The following ZNF415 variants were observed in gnomAD, a reference collection of about 807,000 sequenced individuals.
The protein encoded by ZNF415 is zinc finger protein 415.
ZNF415 carries 5 observed loss-of-function variants against 7.3 expected under a neutral mutation model. That is an observed-to-expected ratio of 0.69 (90% CI 0.36 to 1.44). ZNF415 has a LOEUF of 1.44. Ranked by LOEUF, ZNF415 falls within the 40% of genes most tolerant of loss-of-function variation. The pLI, the probability that ZNF415 is intolerant of heterozygous loss-of-function variation, is 0.04. For synonymous variants in ZNF415, 207 were observed against 226.3 expected (o/e 0.91, Z 0.77); for missense variants, 628 against 664.8 (o/e 0.94, Z 0.61).
At chr19:53,127,875 CAA>C (rs35037197) in intron 1 of ZNF415, among the ~76,000 whole-genome samples, 4 of 126,302 alleles carry the variant, frequency 3.2e-5, no homozygotes, top group Admixed American at 8.3e-5. Context: ...GACACCGTCT[CAA>C]AAAAAAAAAA....
intron 3 of ZNF415, chr19:53,115,816 T>G (rs1304255767): frequency 6.5e-7 from 1 of 1,545,758 alleles, no homozygotes; most frequent in South Asian, 1.2e-5. Flanking sequence ...AATACTCTGG[T>G]CAGGAAGAGA....
intron 3 of ZNF415, among the ~76,000 whole-genome samples, chr19:53,111,982 C>G (rs1351182758): frequency 6.6e-6 from 1 of 152,058 alleles, no homozygotes; most frequent in Non-Finnish European, 1.5e-5. Context: ...CGCTCTTTTG[C>G]CCAGGCTGGG....
intron 1 of ZNF415, among the ~76,000 whole-genome samples, chr19:53,128,078 C>T (rs1340784603): frequency 1.3e-5 from 2 of 152,030 alleles, no homozygotes; most frequent in Non-Finnish European, 2.9e-5. Context: ...ATCTAGAGGC[C>T]CACCTTGCTT....
At chr19:53,129,629 G>C in intron 1 of ZNF415, 1 of 399,470 alleles carries the variant, frequency 2.5e-6, no homozygotes, top group East Asian at 3.6e-5. Flanking sequence ...TGGGCTCACT[G>C]AGGCTGAGAG....
rs1179866687 is a variant in ZNF415, at chr19:53,122,740, A to C, written c.-64T>G. ...CATGTGCCAGGAGTCTTTGGAAGTC[A>C]ATGCTGAATAACAACAACAAGTGCT... On this transcript the variant is annotated 5_prime_UTR_variant, in exon 2 of 4. The change creates a new upstream start codon in the 5' untranslated region. Coordinates refer to ENST00000243643, the MANE Select transcript of ZNF415 (RefSeq NM_018355.4). 6.2e-7 allele frequency: 1 copy of C among 1,609,086 alleles called. No homozygotes were observed. Among genetic ancestry groups the C allele is most frequent in the Non-Finnish European group, 8.5e-7 (1 of 1,176,086 alleles).
At chr19:53,119,311 G>C (rs1415312545) in intron 2 of ZNF415, among the ~76,000 whole-genome samples, 1 of 151,330 alleles carries the variant, frequency 6.6e-6, no homozygotes, top group East Asian at 2.0e-4. Flanking sequence ...AAATTAGCCA[G>C]GTATGTGCCT....
intron 3 of ZNF415, among the ~76,000 whole-genome samples, chr19:53,110,939 CA>C: frequency 1.3e-5 from 2 of 152,272 alleles, no homozygotes; most frequent in South Asian, 4.1e-4. Flanking sequence ...ACACAATATA[CA>C]TAAGAGTTTG....
intron 1 of ZNF415, chr19:53,129,596 T>C (rs911235455): frequency 2.5e-6 from 1 of 400,048 alleles, no homozygotes; most frequent in Non-Finnish European, 4.4e-6. Flanking sequence ...TTTTCTGGTC[T>C]AGTCCCTTAT....
At chr19:53,127,875 C>CAAAAAAAAAAAAAAA (rs35037197) in intron 1 of ZNF415, among the ~76,000 whole-genome samples, 2 of 126,322 alleles carry the variant, frequency 1.6e-5, no homozygotes, top group Non-Finnish European at 1.6e-5. Flanking sequence ...GACACCGTCT[C>CAAAAAAAAAAAAAAA]AAAAAAAAAA....
intron 3 of ZNF415, among the ~76,000 whole-genome samples, chr19:53,111,972 C>T (rs562794462): frequency 1.3e-5 from 2 of 152,166 alleles, no homozygotes; most frequent in South Asian, 2.1e-4. Context: ...GACACAGTCT[C>T]GCTCTTTTGC....
At chr19:53,115,246 A>T (rs2086831998) in intron 3 of ZNF415, 1 of 169,042 alleles carries the variant, frequency 5.9e-6, no homozygotes, top group Non-Finnish European at 1.3e-5. Context: ...GAGGCAGGAG[A>T]ATCATTTGAA....
At chr19:53,115,838 A>G (rs2086937109) in intron 3 of ZNF415, 1 of 1,507,758 alleles carries the variant, frequency 6.6e-7, no homozygotes, top group Non-Finnish European at 9.0e-7. Context: ...TTTCCCGCTT[A>G]TAAAATGAAT....
chr19:53,115,433 C>A (rs995519503), intron 3 of ZNF415: 13 of 465,908 alleles, frequency 2.8e-5, no homozygotes, highest in Non-Finnish European at 4.7e-5. Flanking sequence ...AGTGAAGGAG[C>A]CAGAGAGTTC....
At chr19:53,123,595 A>C (rs1187025880) in intron 1 of ZNF415, 5 of 399,000 alleles carry the variant, frequency 1.3e-5, no homozygotes, top group African/African-American at 2.1e-5. Context: ...GGAAGGACGC[A>C]TGCTTGGCTG....
intron 2 of ZNF415, among the ~76,000 whole-genome samples, chr19:53,118,897 C>A (rs976682444): frequency 2.6e-5 from 4 of 151,526 alleles, no homozygotes; most frequent in African/African-American, 7.3e-5. Context: ...GTAATCCCAG[C>A]ACTTTGGGAG....
chr19:53,120,879 T>C (rs1279899959), intron 2 of ZNF415, among the ~76,000 whole-genome samples: 1 of 149,062 alleles, frequency 6.7e-6, no homozygotes, highest in African/African-American at 2.5e-5. Flanking sequence ...AGGTCAGGAG[T>C]TGGAGACCAG....
At chr19:53,111,965 A>G (rs1053817508) in intron 3 of ZNF415, among the ~76,000 whole-genome samples, 6 of 152,018 alleles carry the variant, frequency 3.9e-5, no homozygotes, top group Non-Finnish European at 5.9e-5. Context: ...TTTTGGAGAC[A>G]CAGTCTCGCT....
Position 53,108,623 on chromosome 19 carries a change from G to A in ZNF415, c.1422C>T (p.Gly474=), listed in dbSNP as rs141490287. 1,315 of 1,614,122 alleles carry A rather than the reference G, an allele frequency of 8.1e-4. 18 individuals carry two copies. The East Asian group carries it at 0.027, about 34-fold the overall frequency. ...GGCTTGAATGCACACTGAAGCCTTTGCCACATTGATTACATTTGTAAGGCT... is the reference window on the plus strand; with the variant it reads ...GGCTTGAATGCACACTGAAGCCTTTACCACATTGATTACATTTGTAAGGCT... ...GEKPYKCNQC[G]KGFSVHSSLT... Residue 474 remains glycine, a synonymous_variant, in exon 4 of 4, where the codon GGC becomes GGT. Coordinates refer to ENST00000243643, the MANE Select transcript of ZNF415 (RefSeq NM_018355.4).
chr19:53,116,272 C>A (rs1273133300), intron 3 of ZNF415, 41 bp downstream of exon 3: 1 of 1,579,324 alleles, frequency 6.3e-7, no homozygotes, highest in Non-Finnish European at 8.6e-7. Context: ...TGGAAAGATA[C>A]CAAGGGCAGA....
Sources: allele counts gnomAD v4.1 joint callset (sites outside exome capture counted in the v4.1 genomes callset), GRCh38; gene constraint gnomAD v4.1.1; transcripts MANE v1.5; gene names NCBI Gene and HGNC (gene_info 2026-07-23, HGNC 2026-07-21).